CELF2: variants seen among roughly 807,000 people sequenced by gnomAD.
CELF2 encodes CUGBP Elav-like family member 2, also known as CUG triplet repeat RNA-binding protein 2.
Under a neutral mutation model 62.6 loss-of-function variants are expected in CELF2, and 8 were observed. That is an observed-to-expected ratio of 0.13 (90% CI 0.07 to 0.23). The LOEUF (loss-of-function observed/expected upper bound fraction) is 0.23. Among genes scored for constraint, CELF2 ranks in the 10% least tolerant of loss-of-function variants. The probability of loss-of-function intolerance (pLI) is 1.00; values close to 1 mark genes in which losing one functional copy is unlikely to be tolerated. For synonymous variants in CELF2, 258 were observed against 250.0 expected, an observed-to-expected ratio of 1.03 and a Z score of -0.30; for missense variants, 333 against 671.0, an observed-to-expected ratio of 0.50 and a Z score of 5.56.
the CELF2 span, among the ~76,000 whole-genome samples, chr10:10,633,408 G>A: frequency 6.6e-6 from 1 of 152,080 alleles, no homozygotes; most frequent in Non-Finnish European, 1.5e-5. Flanking sequence ...GTGTTTGTTT[G>A]CATTTCTCTT....
At chr10:10,593,185 G>A in the CELF2 span, among the ~76,000 whole-genome samples, 1 of 152,132 alleles carries the variant, frequency 6.6e-6, no homozygotes, top group African/African-American at 2.4e-5. Context: ...ACATCAGTTG[G>A]ATTTTGCTGT....
chr10:10,548,991 A>G, the CELF2 span, among the ~76,000 whole-genome samples: 1 of 152,192 alleles, frequency 6.6e-6, no homozygotes, highest in Non-Finnish European at 1.5e-5. Context: ...CAGCAAAATC[A>G]AGTTTAGATT....
At chr10:10,863,199 G>T (rs1409617499) in intron 1 of CELF2, among the ~76,000 whole-genome samples, 1 of 152,164 alleles carries the variant, frequency 6.6e-6, no homozygotes, top group East Asian at 1.9e-4. Flanking sequence ...CAGGCTAAAA[G>T]AGATAATTTT....
intron 1 of CELF2, among the ~76,000 whole-genome samples, chr10:10,801,499 G>A (rs2054657331): frequency 6.6e-6 from 1 of 152,184 alleles, no homozygotes; most frequent in Admixed American, 6.5e-5. Flanking sequence ...AGGAGAATGA[G>A]GTGTGTACTC....
At chr10:11,033,481 T>TC (rs1293947504) in intron 1 of CELF2, among the ~76,000 whole-genome samples, 1 of 152,158 alleles carries the variant, frequency 6.6e-6, no homozygotes, top group African/African-American at 2.4e-5. Context: ...GGTCTCAGCC[T>TC]CCCGACCTCA....
At chr10:10,825,502 G>A (rs1004284201) in intron 1 of CELF2, among the ~76,000 whole-genome samples, 1 of 152,144 alleles carries the variant, frequency 6.6e-6, no homozygotes, top group African/African-American at 2.4e-5. Flanking sequence ...GAGCCACCGC[G>A]CCCAGCTGGA....
intron 2 of CELF2, among the ~76,000 whole-genome samples, chr10:10,940,137 A>G (rs1414624600): frequency 6.6e-6 from 1 of 152,190 alleles, no homozygotes; most frequent in African/African-American, 2.4e-5. Context: ...AGAAAGAAAA[A>G]GGGTTGGCAC....
chr10:11,127,801 A>T (rs1439636708), intron 1 of CELF2, among the ~76,000 whole-genome samples: 1 of 152,072 alleles, frequency 6.6e-6, no homozygotes. Context: ...AGATGAGTAG[A>T]TTGTAACAAT....
the CELF2 span, among the ~76,000 whole-genome samples, chr10:10,681,595 A>G: frequency 2.0e-5 from 3 of 152,196 alleles, no homozygotes; most frequent in Non-Finnish European, 4.4e-5. Flanking sequence ...TTCACATGCC[A>G]TGAAATAGTG....
intron 1 of CELF2, among the ~76,000 whole-genome samples, chr10:11,055,599 A>AT (rs1564544026): frequency 6.6e-6 from 1 of 152,218 alleles, no homozygotes; most frequent in African/African-American, 2.4e-5. Context: ...GGTTTTTAAG[A>AT]TTCGTTCTAA....
chr10:10,770,350 T>A, the CELF2 span, among the ~76,000 whole-genome samples: 2 of 151,640 alleles, frequency 1.3e-5, no homozygotes, highest in Non-Finnish European at 2.9e-5. Flanking sequence ...AATCAATCAA[T>A]CAAACAGCCA....
At chr10:10,627,274 TG>T in the CELF2 span, among the ~76,000 whole-genome samples, 4 of 152,266 alleles carry the variant, frequency 2.6e-5, no homozygotes, top group East Asian at 7.7e-4. Context: ...AGGGGTAAAG[TG>T]TAGAATTTTT....
At chr10:10,704,946 T>A in the CELF2 span, among the ~76,000 whole-genome samples, 1 of 151,386 alleles carries the variant, frequency 6.6e-6, no homozygotes, top group Non-Finnish European at 1.5e-5. Flanking sequence ...CCAAACAAGT[T>A]GAAAAGCCAA....
chr10:10,694,225 T>C, the CELF2 span, among the ~76,000 whole-genome samples: 3 of 152,294 alleles, frequency 2.0e-5, no homozygotes, highest in South Asian at 6.2e-4. Context: ...TTGTTCTCGT[T>C]GGTTTCAAAG....
upstream of CELF2, among the ~76,000 whole-genome samples, chr10:11,017,393 T>C (rs2057393405): frequency 6.6e-6 from 1 of 152,262 alleles, no homozygotes; most frequent in African/African-American, 2.4e-5. This position sits in a 1 kb window ranked among gnomAD's most constrained non-coding sequence, Gnocchi z 5.5. Flanking sequence ...GACAGGTTTG[T>C]CTTCCTTAGG....
chr10:11,265,361 G>A (rs183081917), intron 5 of CELF2, among the ~76,000 whole-genome samples: 3 of 152,318 alleles, frequency 2.0e-5, no homozygotes, highest in East Asian at 3.9e-4. Context: ...CTTTTAAGTA[G>A]TAATAATAAT....
intron 2 of CELF2, among the ~76,000 whole-genome samples, chr10:11,215,777 C>T (rs987706652): frequency 3.9e-5 from 6 of 152,230 alleles, no homozygotes; most frequent in Middle Eastern, 3.4e-3. Flanking sequence ...CCTGATGAGG[C>T]ATGGTTGGTG....
At position 11,007,567 on chromosome 10, in the gene CELF2, C is replaced by T. The variant is rs1450946979; in HGVS notation, c.53+2127C>T. ...GAATAGAGTGAATTTTAAATGCATG[C>T]CTGTGATGTTGTCTTACTTGCGATG... On this transcript the variant is annotated intron_variant, in intron 1 of 12. Coordinates refer to the CELF2 transcript ENST00000416382. Among the ~76,000 whole-genome samples the T allele has an allele frequency of 2.0e-5, 3 of 152,208 alleles. No individual in the cohort carries two copies. The East Asian group carries it at 5.8e-4, about 29-fold the overall frequency.
chr10:11,036,115 C>T (rs1175075109), intron 1 of CELF2, among the ~76,000 whole-genome samples: 1 of 152,236 alleles, frequency 6.6e-6, no homozygotes, highest in Admixed American at 6.5e-5. Context: ...ACTTAAGCAT[C>T]AGCCAGGATT....
Sources: allele counts gnomAD v4.1 joint callset (sites outside exome capture counted in the v4.1 genomes callset), GRCh38; gene constraint gnomAD v4.1.1; non-coding constraint Gnocchi (gnomAD v3.1); transcripts MANE v1.5; gene names NCBI Gene and HGNC (gene_info 2026-07-23, HGNC 2026-07-21).